Variants in ARHGAP35 observed in about 807,000 individuals in gnomAD.
The protein encoded by ARHGAP35 is rho GTPase-activating protein 35.
In ARHGAP35, 15 loss-of-function variants were observed where a neutral mutation model predicts 111.1. That is an observed-to-expected ratio of 0.13 (90% CI 0.09 to 0.21). The LOEUF is 0.21. ARHGAP35 is among the 10% of genes least tolerant of loss of function. ARHGAP35 has a pLI of 1.00. For missense variants in ARHGAP35, 1,262 were observed against 1,873.0 expected, an observed-to-expected ratio of 0.67 and a Z score of 6.02; for synonymous variants, 643 against 710.3, an observed-to-expected ratio of 0.91 and a Z score of 1.51.
At chr19:46,915,495 A>G (rs1263320651) in intron 1 of ARHGAP35, among the ~76,000 whole-genome samples, 3 of 152,196 alleles carry the variant, frequency 2.0e-5, no homozygotes, top group Non-Finnish European at 4.4e-5. Context: ...TGAGGTTATC[A>G]TCACAGGGGA....
intron 1 of ARHGAP35, among the ~76,000 whole-genome samples, chr19:46,903,161 G>A (rs2056090027): frequency 6.6e-6 from 1 of 152,070 alleles, no homozygotes. Flanking sequence ...CTGCGGCATT[G>A]GGGAGACACA....
At position 46,921,464 on chromosome 19, in the gene ARHGAP35, A is replaced by G; in HGVS notation, c.2789A>G (p.Lys930Arg). ...ATCCCCTGTAGCCAACCCCAGCATA[A>G]ACTTGAGATCTTTCACCCATTTTTT... ...TSIPCSQPQH[K>R]LEIFHPFFKD... Residue 930 changes from lysine to arginine, a missense_variant, in exon 2 of 7, where the codon AAA (lysine) becomes AGA (arginine). Transcript: ENST00000672722. The surrounding 1 kb of genome is among the most constrained non-coding windows in gnomAD (Gnocchi z 4.3). 1.2e-6 allele frequency: 2 copies of G among 1,613,942 alleles called. No individual in the cohort carries two copies. Among genetic ancestry groups the G allele is most frequent in the Non-Finnish European group, 1.7e-6 (2 of 1,179,876 alleles).
intron 3 of ARHGAP35, among the ~76,000 whole-genome samples, chr19:46,968,457 A>G (rs944164117): frequency 2.0e-5 from 3 of 152,228 alleles, no homozygotes; most frequent in African/African-American, 7.2e-5. Context: ...GCCAGCCACA[A>G]AGTGTCACAC....
In ARHGAP35 at chr19:46,922,234, C is replaced by T. The variant is rs754809756; in HGVS notation, c.3559C>T (p.Arg1187Trp). The change falls in exon 2 of 7, where the codon CGG (arginine) becomes TGG (tryptophan). Residue 1187 changes from arginine to tryptophan, a missense_variant. By Grantham distance (101) the Arg-to-Trp change is moderately radical. This residue lies in a region of ARHGAP35 where 579 missense variants were observed against 716.9 expected (regional missense o/e 0.81). Transcript: ENST00000672722. This position sits in a 1 kb window ranked among gnomAD's most constrained non-coding sequence, Gnocchi z 4.0. ...GAGTGATGATGAGCTGGGGCCCATC[C>T]GGAAGAAAGAGGAGGATCAGGCATC... ...VGSDDELGPI[R>W]KKEEDQASQG... 1 of 1,613,936 alleles carries T rather than the reference C, an allele frequency of 6.2e-7. No homozygotes were observed. The highest frequency in any genetic ancestry group is 8.5e-7 in the Non-Finnish European group (1 of 1,179,874).
intron 2 of ARHGAP35, among the ~76,000 whole-genome samples, chr19:46,931,686 G>A (rs1299628159): frequency 3.9e-5 from 6 of 152,128 alleles, no homozygotes; most frequent in African/African-American, 1.4e-4. Flanking sequence ...CAGTCTAAAA[G>A]GCCAAGGTGA....
chr19:46,991,813 A>G (rs2056680746), intron 5 of ARHGAP35, among the ~76,000 whole-genome samples: 1 of 152,226 alleles, frequency 6.6e-6, no homozygotes, highest in Non-Finnish European at 1.5e-5. Context: ...ATTGTGCCCC[A>G]AAGTAGCTCT....
intron 1 of ARHGAP35, among the ~76,000 whole-genome samples, 90 bp downstream of exon 1, chr19:46,861,299 G>A (rs1034632417): frequency 6.0e-5 from 9 of 150,830 alleles, no homozygotes; most frequent in African/African-American, 9.7e-5. Context: ...GCGGGGCCCG[G>A]AGCCCGCGAA....
At chr19:46,972,856 C>T (rs538989724) in intron 3 of ARHGAP35, among the ~76,000 whole-genome samples, 39 of 152,140 alleles carry the variant, frequency 2.6e-4, no homozygotes, top group Non-Finnish European at 3.4e-4. Flanking sequence ...GAGCCATTGC[C>T]TGCTAGCCAC....
intron 3 of ARHGAP35, among the ~76,000 whole-genome samples, chr19:46,971,103 A>T (rs2056545095): frequency 6.6e-6 from 1 of 152,146 alleles, no homozygotes; most frequent in South Asian, 2.1e-4. Context: ...CTCCATGTGT[A>T]TGAACTAAAA....
At chr19:46,875,101 C>T (rs958236750) in intron 1 of ARHGAP35, among the ~76,000 whole-genome samples, 10 of 151,906 alleles carry the variant, frequency 6.6e-5, no homozygotes, top group African/African-American at 1.7e-4. Flanking sequence ...TGTGAGCCAC[C>T]GCACCTGGCC....
chr19:46,935,657 C>T (rs1378387166), intron 2 of ARHGAP35, among the ~76,000 whole-genome samples: 1 of 152,186 alleles, frequency 6.6e-6, no homozygotes, highest in Admixed American at 6.5e-5. Flanking sequence ...CTGAGTAAAT[C>T]TGCTTTTCTA....
chr19:46,983,234 A>G (rs2056630824), intron 3 of ARHGAP35, among the ~76,000 whole-genome samples: 1 of 152,072 alleles, frequency 6.6e-6, no homozygotes. Flanking sequence ...GAACTCAGGT[A>G]GGATTCAAAT....
At chr19:46,913,311 G>A (rs2122184508) in intron 1 of ARHGAP35, among the ~76,000 whole-genome samples, 1 of 151,584 alleles carries the variant, frequency 6.6e-6, no homozygotes, top group African/African-American at 2.4e-5. Context: ...ACACTTCCAG[G>A]CGTATGCTGA....
intron 1 of ARHGAP35, among the ~76,000 whole-genome samples, chr19:46,906,828 C>T (rs2056110816): frequency 6.6e-6 from 1 of 152,162 alleles, no homozygotes; most frequent in South Asian, 2.1e-4. Flanking sequence ...GTAGGTGACA[C>T]CTGCAATCCC....
rs7250030 is a variant in ARHGAP35 at position 46,920,418 on chromosome 19, G to A, written c.1743G>A (p.Pro581=). Residue 581 remains proline, a synonymous_variant, in exon 2 of 7, where the codon CCG becomes CCA. Coordinates refer to ENST00000672722, the MANE Select transcript of ARHGAP35 (RefSeq NM_004491.5). This position sits in a 1 kb window ranked among gnomAD's most constrained non-coding sequence, Gnocchi z 7.0. ...EHLISSRFIR[P]SDRNQKNSLS... is the part of the protein sequence containing the mutation. The stretch of plus-strand genomic sequence containing the variant: ...TGATTAGTTCTCGGTTTATCCGGCC[G>A]TCTGACCGGAATCAGAAAAATTCAC... 4.8e-3 allele frequency: 7,669 copies of A among 1,613,776 alleles called. 328 individuals are homozygous for A. The African/African-American group carries it at 0.088, about 18-fold the overall frequency.
chr19:46,923,200 G>A (rs532657505), intron 2 of ARHGAP35, among the ~76,000 whole-genome samples: 10 of 151,986 alleles, frequency 6.6e-5, no homozygotes, highest in Non-Finnish European at 1.5e-4. Context: ...CGCCTCCTGG[G>A]TTCACGCCAT....
chr19:46,948,970 A>T (rs1045218762), intron 3 of ARHGAP35: 1 of 152,240 alleles, frequency 6.6e-6, no homozygotes, highest in African/African-American at 2.4e-5. Context: ...ATCCTGGCTA[A>T]CACAGTGAAA....
intron 3 of ARHGAP35, among the ~76,000 whole-genome samples, chr19:46,959,377 TTTTTA>T (rs1454054017): frequency 6.6e-6 from 1 of 151,058 alleles, no homozygotes; most frequent in Non-Finnish European, 1.5e-5. Context: ...TTTTTATTTA[TTTTTA>T]TTTTATTTTA....
Position 46,999,907 on chromosome 19 carries a change from C to T in ARHGAP35, c.4143-424C>T, listed in dbSNP as rs542689464. ...CTCCGGCATGGAGCACAGCCGCAGG[C>T]GGGAGGCCGTATGGTTGTTCCCTGA... On this transcript the variant is annotated intron_variant, in intron 6 of 6. Transcript: ENST00000672722. The surrounding 1 kb of genome is among the most constrained non-coding windows in gnomAD (Gnocchi z 5.4). 620 of 219,684 alleles carry T rather than the reference C, an allele frequency of 2.8e-3. 11 individuals are homozygous for T. Among genetic ancestry groups the T allele is most frequent in the Middle Eastern group, 0.016 (9 of 580 alleles). 13.6% of individuals were successfully genotyped at this position (219,684 alleles called of 1,614,324 possible). A position where few individuals can be genotyped will look rare whatever the true frequency, so the allele number is the denominator to read the frequency against.
Sources: gnomAD v4.1 joint callset for allele counts (sites outside exome capture counted in the v4.1 genomes callset) on GRCh38, gnomAD v4.1.1 for gene constraint, gnomAD v4.1.1 regional missense constraint, Gnocchi (gnomAD v3.1) non-coding constraint, MANE v1.5 for transcripts, NCBI Gene and HGNC (gene_info 2026-07-23, HGNC 2026-07-21) for gene names.